The following ERBIN variants were observed in gnomAD, a reference collection of about 807,000 sequenced individuals.
ERBIN encodes densin-180-like protein.
ERBIN carries 60 observed loss-of-function variants against 158.4 expected under a neutral mutation model. The observed-to-expected ratio is 0.38, with a 90% confidence interval of 0.31 to 0.47. ERBIN has a LOEUF of 0.47. ERBIN is among the 20% of genes least tolerant of loss of function. The probability of loss-of-function intolerance (pLI) is 0.99; values close to 1 mark genes in which losing one functional copy is unlikely to be tolerated. For synonymous variants in ERBIN, 594 were observed against 557.2 expected, an observed-to-expected ratio of 1.07 and a Z score of -0.93; for missense variants, 1,610 against 1,648.0, an observed-to-expected ratio of 0.98 and a Z score of 0.40.
chr5:66,026,511 G>A (rs193165901), intron 13 of ERBIN, 94 bp downstream of exon 13: 1 of 556,502 alleles, frequency 1.8e-6, no homozygotes, highest in Non-Finnish European at 2.9e-6. Context: ...GCTAGTGCTT[G>A]TTGCTCTTTA....
chr5:66,070,504 G>A (rs1172723527), intron 21 of ERBIN, among the ~76,000 whole-genome samples: 2 of 151,728 alleles, frequency 1.3e-5, no homozygotes, highest in African/African-American at 4.9e-5. Context: ...TTCTTTTATA[G>A]TAACATTTTG....
At chr5:66,032,454 A>G (rs1233135836) in intron 14 of ERBIN, among the ~76,000 whole-genome samples, 6 of 152,218 alleles carry the variant, frequency 3.9e-5, no homozygotes, top group Non-Finnish European at 5.9e-5. Context: ...AACAACATGT[A>G]TAAGTTGTGT....
At chr5:65,976,323 A>T (rs1749846954) in intron 1 of ERBIN, among the ~76,000 whole-genome samples, 1 of 151,986 alleles carries the variant, frequency 6.6e-6, no homozygotes, top group South Asian at 2.1e-4. Flanking sequence ...AAAATACAGA[A>T]ATTAACTATA....
chr5:66,045,825 T>C (rs1269802251), intron 17 of ERBIN, among the ~76,000 whole-genome samples: 1 of 152,204 alleles, frequency 6.6e-6, no homozygotes, highest in Non-Finnish European at 1.5e-5. Context: ...CCCCTGTTAA[T>C]ATTGGTCCAT....
intron 7 of ERBIN, among the ~76,000 whole-genome samples, chr5:66,018,453 ATTATATT>A: frequency 3.5e-5 from 1 of 28,716 alleles, no homozygotes; most frequent in South Asian, 1.3e-3. Flanking sequence ...TATAATATAT[ATTATATT>A]ATATAATATA....
chr5:66,006,559 A>C lies in ERBIN; in HGVS notation c.308-5490A>C, dbSNP rs1040778525. On this transcript the variant is annotated intron_variant, in intron 4 of 25. Transcript: ENST00000284037. ...TTGACAAATGGGATCTAATTAAACT[A>C]AAGAGCTTCTGCACAGCAAAAGAAA... Among the ~76,000 whole-genome samples the C allele has an allele frequency of 3.2e-4, 48 of 152,164 alleles. 1 individual carries two copies. Among genetic ancestry groups the C allele is most frequent in the African/African-American group, 1.2e-3 (48 of 41,426 alleles).
intron 1 of ERBIN, among the ~76,000 whole-genome samples, chr5:65,968,606 G>A (rs566152704): frequency 3.3e-5 from 5 of 152,170 alleles, no homozygotes; most frequent in Admixed American, 3.3e-4. Context: ...CGTTGCCCAG[G>A]CTGGAGTGCA....
chr5:65,971,594 G>C (rs1193808554), intron 1 of ERBIN, among the ~76,000 whole-genome samples: 1 of 152,146 alleles, frequency 6.6e-6, no homozygotes, highest in African/African-American at 2.4e-5. Flanking sequence ...TCTCAGAAAA[G>C]AATTAGAACA....
chr5:65,960,892 G>T (rs1016776437), intron 1 of ERBIN, among the ~76,000 whole-genome samples: 12 of 151,920 alleles, frequency 7.9e-5, no homozygotes, highest in Non-Finnish European at 1.8e-4. Context: ...GAGGACATTT[G>T]AAAGTTGGTA....
chr5:66,074,477 T>C (rs1411417437), intron 22 of ERBIN, among the ~76,000 whole-genome samples: 1 of 152,216 alleles, frequency 6.6e-6, no homozygotes, highest in Non-Finnish European at 1.5e-5. Context: ...TCTACATAGA[T>C]AGCTGAATTG....
intron 1 of ERBIN, among the ~76,000 whole-genome samples, chr5:65,948,077 AT>A (rs1319360321): frequency 1.4e-4 from 21 of 151,690 alleles, no homozygotes; most frequent in Admixed American, 1.4e-3. Flanking sequence ...CTATTGAATA[AT>A]GAATGGACAG....
At chr5:65,970,392 C>G (rs1749114119) in intron 1 of ERBIN, among the ~76,000 whole-genome samples, 1 of 152,122 alleles carries the variant, frequency 6.6e-6, no homozygotes, top group Non-Finnish European at 1.5e-5. Context: ...AGTTCTAGCC[C>G]CCTGCTGACT....
At chr5:65,967,249 T>G (rs1457746705) in intron 1 of ERBIN, among the ~76,000 whole-genome samples, 1 of 152,220 alleles carries the variant, frequency 6.6e-6, no homozygotes, top group Non-Finnish European at 1.5e-5. Context: ...AAAAAAAATT[T>G]TAAATAAATT....
chr5:65,944,585 A>G (rs1745507707), intron 1 of ERBIN, among the ~76,000 whole-genome samples: 1 of 151,976 alleles, frequency 6.6e-6, no homozygotes, highest in African/African-American at 2.4e-5. Context: ...TTGTATTTTT[A>G]GTAGAGATGG....
intron 21 of ERBIN, among the ~76,000 whole-genome samples, chr5:66,062,647 T>A (rs1398623068): frequency 6.6e-6 from 1 of 152,242 alleles, no homozygotes; most frequent in Non-Finnish European, 1.5e-5. Context: ...TTTTCTGCTC[T>A]GTTTTTTCCC....
intron 4 of ERBIN, among the ~76,000 whole-genome samples, chr5:66,009,776 C>A (rs370108459): frequency 5.9e-5 from 9 of 152,272 alleles, no homozygotes; most frequent in South Asian, 4.1e-4. Flanking sequence ...CTCCCACATT[C>A]CTATTTTATC....
intron 1 of ERBIN, among the ~76,000 whole-genome samples, chr5:65,954,700 A>AT (rs1349616430): frequency 3.3e-5 from 5 of 152,118 alleles, no homozygotes; most frequent in Non-Finnish European, 5.9e-5. Flanking sequence ...AAGTTTAAAA[A>AT]TTGAGTGTGA....
At position 66,038,416 on chromosome 5, in the gene ERBIN, G is replaced by C; in HGVS notation, c.1240G>C (p.Asp414His). 6.2e-7 allele frequency: 1 copy of C among 1,612,148 alleles called. No individual in the cohort carries two copies. Reference protein sequence around the residue: ...KPLIPLQKETDSETQKMVLTN... With the variant: ...KPLIPLQKETHSETQKMVLTN... ...CCTGATACCTCTTCAAAAAGAAACTGATTCAGAGACCCAGAAAATGGTGCT... is the reference window on the plus strand; with the variant it reads ...CCTGATACCTCTTCAAAAAGAAACTCATTCAGAGACCCAGAAAATGGTGCT... Residue 414 changes from aspartate to histidine, a missense_variant, in exon 15 of 26, where the codon GAT becomes CAT. This residue lies in a region of ERBIN where 596 missense variants were observed against 711.9 expected (regional missense o/e 0.84). Transcript: ENST00000284037.
chr5:66,028,458 A>C, intron 14 of ERBIN, 115 bp downstream of exon 14: 1 of 544,908 alleles, frequency 1.8e-6, no homozygotes, highest in South Asian at 4.5e-5. Flanking sequence ...ACATGTAAAC[A>C]TATCTTTTAT....
Sources: gnomAD v4.1 joint callset for allele counts (sites outside exome capture counted in the v4.1 genomes callset) on GRCh38, gnomAD v4.1.1 for gene constraint, gnomAD v4.1.1 regional missense constraint, MANE v1.5 for transcripts, NCBI Gene and HGNC (gene_info 2026-07-23, HGNC 2026-07-21) for gene names.